The following SAG variants were observed in gnomAD, a reference collection of about 807,000 sequenced individuals.
The protein encoded by SAG is S-antigen visual arrestin, also known as S-arrestin.
A neutral mutation model predicts 55.0 loss-of-function variants in SAG; 45 were observed. That is an observed-to-expected ratio of 0.82 (90% CI 0.64 to 1.05). The LOEUF is 1.05. Ranked by LOEUF, SAG falls within the 50% of genes least tolerant of loss-of-function variation. The pLI, the probability that SAG is intolerant of heterozygous loss-of-function variation, is 0.00. For missense variants in SAG, 455 were observed against 512.1 expected (o/e 0.89, Z 1.08); for synonymous variants, 189 against 197.4 (o/e 0.96, Z 0.36).
At chr2:233,311,798 C>A (rs377561249) in intron 2 of SAG, among the ~76,000 whole-genome samples, 64 of 152,166 alleles carry the variant, frequency 4.2e-4, no homozygotes, top group Non-Finnish European at 5.7e-4. Context: ...GTGTGTGCAG[C>A]CTCTCCTCTC....
chr2:233,336,009 GA>G (rs1375340130), intron 11 of SAG, among the ~76,000 whole-genome samples: 1 of 152,256 alleles, frequency 6.6e-6, no homozygotes, highest in Non-Finnish European at 1.5e-5. Context: ...ACAATTGGCA[GA>G]AAGCAGGTGG....
chr2:233,341,180 G>C (rs1445699341), intron 13 of SAG, among the ~76,000 whole-genome samples: 3 of 152,062 alleles, frequency 2.0e-5, no homozygotes, highest in Non-Finnish European at 4.4e-5. Flanking sequence ...GTCTTGCTCT[G>C]TTGCCCAGGC....
chr2:233,317,805 G>T (rs1420662607), intron 3 of SAG, among the ~76,000 whole-genome samples: 4 of 152,148 alleles, frequency 2.6e-5, no homozygotes, highest in Middle Eastern at 3.2e-3. Context: ...ATATGTGTGT[G>T]TGTGTATATA....
At chr2:233,330,729 G>A (rs1417304901) in intron 9 of SAG, among the ~76,000 whole-genome samples, 2 of 151,898 alleles carry the variant, frequency 1.3e-5, no homozygotes, top group Admixed American at 6.6e-5. Context: ...TGGGGATTTC[G>A]CCATGTTGGC....
intron 11 of SAG, among the ~76,000 whole-genome samples, chr2:233,335,937 G>T (rs1394916289): frequency 6.6e-6 from 1 of 152,202 alleles, no homozygotes; most frequent in Non-Finnish European, 1.5e-5. Flanking sequence ...TGGATTGTTT[G>T]ACCCCATGAC....
intron 2 of SAG, 111 bp from the exon 3 acceptor site, chr2:233,315,964 T>G: frequency 1.5e-6 from 1 of 677,760 alleles, no homozygotes; most frequent in South Asian, 1.7e-5. Flanking sequence ...CCTCCCAAAG[T>G]GCTAAGATTA....
chr2:233,319,047 C>T lies in SAG; in HGVS notation c.181+252C>T, dbSNP rs2304776. The T allele has an allele frequency of 0.44, 299,466 of 679,386 alleles. 72,299 individuals are homozygous for T. The highest frequency in any genetic ancestry group is 0.54 in the South Asian group (35,942 of 66,384). 42.1% of individuals were successfully genotyped at this position (679,386 alleles called of 1,614,324 possible). A position where few individuals can be genotyped will look rare whatever the true frequency, so the allele number is the denominator to read the frequency against. Reference sequence around the variant, plus strand: ...GGGTGGCAGATAAGTAGATGGTAGACGGAGCCCAGGTCTGTGGCCCCCATT... The same window carrying T: ...GGGTGGCAGATAAGTAGATGGTAGATGGAGCCCAGGTCTGTGGCCCCCATT... On this transcript the variant is annotated intron_variant, in intron 4 of 15. Coordinates refer to ENST00000409110, the MANE Select transcript of SAG (RefSeq NM_000541.5). The surrounding 1 kb of genome is among the most constrained non-coding windows in gnomAD (Gnocchi z 4.4).
chr2:233,339,355 G>T (rs367953923), intron 12 of SAG, among the ~76,000 whole-genome samples: 8 of 152,140 alleles, frequency 5.3e-5, no homozygotes, highest in Non-Finnish European at 7.3e-5. Context: ...ATTGCCAAAG[G>T]CTCTGGCCTT....
At position 233,324,726 on chromosome 2, in the gene SAG, G is replaced by A. The variant is rs1167152590; in HGVS notation, c.435+1721G>A. ...GGAGGTGCCAGGACCCGTGGGTTCA[G>A]GCCCTCTAAGCCACTGGGTCTGGGA... On this transcript the variant is annotated intron_variant, in intron 6 of 15. Transcript: ENST00000409110. 2.6e-5 allele frequency among the ~76,000 whole-genome samples: 4 copies of A among 152,158 alleles called. No homozygotes were observed. In the East Asian group the frequency reaches 7.7e-4, roughly 29 times the overall value.
chr2:233,323,011 T>C lies in SAG; in HGVS notation c.435+6T>C. 1 of 1,542,662 alleles carries C rather than the reference T, an allele frequency of 6.5e-7. No individual in the cohort carries two copies. The highest frequency in any genetic ancestry group is 8.8e-7 in the Non-Finnish European group (1 of 1,130,142). On this transcript the variant is annotated splice_donor_region_variant and intron_variant, in intron 6 of 15. Coordinates refer to ENST00000409110, the MANE Select transcript of SAG (RefSeq NM_000541.5). ...CTCCACAAGATTCAGGGAAGGTTAG[T>C]TCAAGAAGAAATGCCATGGTTTTAT...
At chr2:233,313,147 C>T (rs1038550156) in intron 2 of SAG, among the ~76,000 whole-genome samples, 1 of 152,180 alleles carries the variant, frequency 6.6e-6, no homozygotes, top group Non-Finnish European at 1.5e-5. Flanking sequence ...GCCACATGCT[C>T]CCGGGGCACC....
intron 2 of SAG, among the ~76,000 whole-genome samples, chr2:233,314,698 ATCT>A (rs1463762764): frequency 6.6e-6 from 1 of 152,174 alleles, no homozygotes; most frequent in East Asian, 1.9e-4. Flanking sequence ...TTCCTACGGA[ATCT>A]TCTCTGTAAA....
intron 12 of SAG, 91 bp downstream of exon 12, chr2:233,338,844 G>T: frequency 1.9e-6 from 2 of 1,045,336 alleles, no homozygotes; most frequent in Non-Finnish European, 1.5e-6. Context: ...GAGACAGAAA[G>T]CAAGGAAAGG....
At chr2:233,318,605 CT>C in intron 3 of SAG, 145 bp from the exon 4 acceptor site, 2 of 699,442 alleles carry the variant, frequency 2.9e-6, no homozygotes, top group Non-Finnish European at 4.9e-6. Flanking sequence ...ATTTGGATGA[CT>C]TTTTTCCCTT....
At chr2:233,330,368 G>A (rs1057352203) in intron 9 of SAG, among the ~76,000 whole-genome samples, 3 of 152,294 alleles carry the variant, frequency 2.0e-5, no homozygotes, top group Non-Finnish European at 2.9e-5. Flanking sequence ...GCCAGGGTGA[G>A]CAGTGGCCCT....
chr2:233,340,580 G>A lies in SAG; in HGVS notation c.1046+102G>A, dbSNP rs1376097887. ...TCTGATGAAAGCTGCTTTCTGGACA[G>A]TTGTGCTCAGAGGTGTTAGGAATGA... is the stretch of plus-strand genomic sequence containing the variant. On this transcript the variant is annotated intron_variant, in intron 13 of 15. Transcript: ENST00000409110. This position sits in a 1 kb window ranked among gnomAD's most constrained non-coding sequence, Gnocchi z 4.2. The A allele has an allele frequency of 5.7e-6, 5 of 884,666 alleles. No individual in the cohort carries two copies. The highest frequency in any genetic ancestry group is 2.0e-5 in the Admixed American group (1 of 49,440). 54.8% of individuals were successfully genotyped at this position (884,666 alleles called of 1,614,324 possible).
chr2:233,330,123 T>C (rs1320073824), intron 9 of SAG, among the ~76,000 whole-genome samples: 1 of 152,222 alleles, frequency 6.6e-6, no homozygotes, highest in Non-Finnish European at 1.5e-5. Context: ...TCCCACACAT[T>C]AACTAAGCTC....
chr2:233,312,736 A>T (rs768753871), intron 2 of SAG, among the ~76,000 whole-genome samples: 2 of 152,180 alleles, frequency 1.3e-5, no homozygotes, highest in Non-Finnish European at 2.9e-5. Context: ...CATTTTGCTC[A>T]GAGAGCATGC....
intron 4 of SAG, 22 bp downstream of exon 4, chr2:233,318,817 C>T (rs1700289620): frequency 1.2e-6 from 2 of 1,611,150 alleles, no homozygotes; most frequent in Non-Finnish European, 1.7e-6. Flanking sequence ...CCCCTTGTCT[C>T]AGGCTGGTTT....
Sources: gnomAD v4.1 joint callset for allele counts (sites outside exome capture counted in the v4.1 genomes callset) on GRCh38, gnomAD v4.1.1 for gene constraint, Gnocchi (gnomAD v3.1) non-coding constraint, MANE v1.5 for transcripts, NCBI Gene and HGNC (gene_info 2026-07-23, HGNC 2026-07-21) for gene names.